The following RBMS3 variants were observed in gnomAD, a reference collection of about 807,000 sequenced individuals.
The protein encoded by RBMS3 is RNA-binding motif, single-stranded-interacting protein 3.
RBMS3 carries 27 observed loss-of-function variants against 66.8 expected under a neutral mutation model. That is an observed-to-expected ratio of 0.40 (90% CI 0.30 to 0.56). The LOEUF (loss-of-function observed/expected upper bound fraction) is 0.56. RBMS3 is among the 20% of genes least tolerant of loss of function. The probability of loss-of-function intolerance (pLI) is 0.40; values close to 1 mark genes in which losing one functional copy is unlikely to be tolerated. For synonymous variants in RBMS3, 188 were observed against 183.0 expected, an observed-to-expected ratio of 1.03 and a Z score of -0.22; for missense variants, 513 against 549.5, an observed-to-expected ratio of 0.93 and a Z score of 0.66.
intron 1 of RBMS3, among the ~76,000 whole-genome samples, chr3:29,345,396 A>G (rs13085716): frequency 0.37 from 55,597 of 152,008 alleles, 10,533 homozygotes; most frequent in African/African-American, 0.46. Flanking sequence ...TAATAACAAG[A>G]AGCTCTACAT....
intron 4 of RBMS3, among the ~76,000 whole-genome samples, chr3:29,649,733 A>T (rs1421608585): frequency 6.6e-6 from 1 of 152,220 alleles, no homozygotes; most frequent in African/African-American, 2.4e-5. Flanking sequence ...TTTACTTGCC[A>T]TATTTTCTTA....
At chr3:29,696,032 G>A (rs59480168) in intron 4 of RBMS3, among the ~76,000 whole-genome samples, 7,737 of 152,168 alleles carry the variant, frequency 0.051, 685 homozygotes, top group African/African-American at 0.18. Context: ...CTTTCTTGCC[G>A]TCAGTAAAGA....
chr3:29,343,693 C>A (rs1355428273), intron 1 of RBMS3, among the ~76,000 whole-genome samples: 5 of 152,162 alleles, frequency 3.3e-5, no homozygotes, highest in Non-Finnish European at 7.4e-5. Context: ...AAAACCAGTT[C>A]AACCTCATTG....
chr3:29,409,498 A>G (rs534027034), intron 1 of RBMS3, among the ~76,000 whole-genome samples: 4 of 152,226 alleles, frequency 2.6e-5, no homozygotes, highest in Admixed American at 6.5e-5. Flanking sequence ...GAGTAAATCG[A>G]CATCAGGAAA....
chr3:29,284,862 C>CT (rs773078453), intron 1 of RBMS3, among the ~76,000 whole-genome samples: 25,811 of 112,586 alleles, frequency 0.23, 3,584 homozygotes, highest in East Asian at 0.49. Context: ...ATGAATTTTT[C>CT]TTTTTTTTTT....
At chr3:29,852,968 A>G (rs963872586) in intron 6 of RBMS3, among the ~76,000 whole-genome samples, 4 of 152,254 alleles carry the variant, frequency 2.6e-5, no homozygotes, top group Admixed American at 2.6e-4. Flanking sequence ...ATCATGGAAT[A>G]CTATGCAGCC....
intron 1 of RBMS3, among the ~76,000 whole-genome samples, chr3:29,291,194 G>A (rs375600779): frequency 6.6e-6 from 1 of 151,860 alleles, no homozygotes; most frequent in Non-Finnish European, 1.5e-5. Context: ...TCTTTTCAGA[G>A]TTTGGAGTTA....
At chr3:29,654,562 G>A (rs1204297732) in intron 4 of RBMS3, among the ~76,000 whole-genome samples, 4 of 131,254 alleles carry the variant, frequency 3.0e-5, no homozygotes, top group African/African-American at 1.1e-4. Context: ...GTGTGTGTGT[G>A]TGTGTGTGTG....
At chr3:29,637,844 A>G (rs538155787) in intron 4 of RBMS3, among the ~76,000 whole-genome samples, 3 of 151,998 alleles carry the variant, frequency 2.0e-5, no homozygotes, top group South Asian at 4.1e-4. Context: ...CATTAAAAGC[A>G]ATAAACTTGC....
rs1307268530 is a variant in RBMS3 at position 29,434,865 on chromosome 3, A to G, written c.198A>G (p.Arg66=). The G allele has an allele frequency of 6.2e-7, 1 of 1,614,140 alleles. No individual in the cohort carries two copies. Among genetic ancestry groups the G allele is most frequent in the Non-Finnish European group, 8.5e-7 (1 of 1,180,034 alleles). Reference sequence around the variant, plus strand: ...TGAGTAAAACCAACCTGTACATTCGAGGCCTCCCACCAGGCACCACTGACC... The same window carrying G: ...TGAGTAAAACCAACCTGTACATTCGGGGCCTCCCACCAGGCACCACTGACC... ...EQLSKTNLYI[R]GLPPGTTDQD... The change falls in exon 2 of 15, where the codon CGA becomes CGG. Residue 66 remains arginine, a synonymous_variant. Coordinates refer to ENST00000383767, the MANE Select transcript of RBMS3 (RefSeq NM_001003793.3).
At chr3:29,436,221 A>G (rs532899866) in intron 2 of RBMS3, among the ~76,000 whole-genome samples, 11 of 152,350 alleles carry the variant, frequency 7.2e-5, no homozygotes, top group Non-Finnish European at 1.5e-4. Context: ...AGCAGAAAAT[A>G]TTTATTTGCC....
At chr3:29,561,109 A>G (rs1221972518) in intron 3 of RBMS3, among the ~76,000 whole-genome samples, 1 of 9,282 alleles carries the variant, frequency 1.1e-4, no homozygotes, top group Non-Finnish European at 1.9e-4. Context: ...CATGGTGCCT[A>G]TGTACCACAT....
rs566888716 is a variant in RBMS3, at chr3:29,779,706, AATAT to A, written c.637+16733_637+16736del. Among the ~76,000 whole-genome samples the A allele has an allele frequency of 5.0e-4, 54 of 107,056 alleles. 1 individual carries two copies. The highest frequency in any genetic ancestry group is 9.0e-4 in the Admixed American group (9 of 10,050). The allele number at this position is 107,056 out of a possible 152,430, so 70.2% of individuals were successfully genotyped here. On this transcript the variant is annotated intron_variant, in intron 6 of 14. Transcript: ENST00000383767. ...TCTCAGCAATCCTAGATTAAGATGA[AATAT>A]ATATATATATATATAAACAACCCCA...
In RBMS3 at chr3:29,941,143, A is replaced by G. The variant is rs2061384376; in HGVS notation, c.1051-3064A>G. On this transcript the variant is annotated intron_variant, in intron 11 of 14. Coordinates refer to ENST00000383767, the MANE Select transcript of RBMS3 (RefSeq NM_001003793.3). ...TTGGTTTGTGTTCTCCAAGCCACTG[A>G]TGATTTGTGATATCATCGATTTCCA... is the stretch of plus-strand genomic sequence containing the variant. Among the ~76,000 whole-genome samples, 3 of 151,970 alleles carry G rather than the reference A, an allele frequency of 2.0e-5. No homozygotes were observed. In the East Asian group the frequency reaches 5.8e-4, roughly 30 times the overall value.
chr3:29,292,339 C>G (rs977454435), intron 1 of RBMS3, among the ~76,000 whole-genome samples: 1 of 151,644 alleles, frequency 6.6e-6, no homozygotes, highest in Non-Finnish European at 1.5e-5. Flanking sequence ...CATTCCTGTT[C>G]TTTCCAGTTA....
chr3:29,919,670 C>A (rs2060719539), intron 10 of RBMS3, among the ~76,000 whole-genome samples: 3 of 152,066 alleles, frequency 2.0e-5, no homozygotes, highest in African/African-American at 7.2e-5. Flanking sequence ...ACTTGGGATG[C>A]CTTCATGGTG....
intron 4 of RBMS3, among the ~76,000 whole-genome samples, chr3:29,714,271 T>C (rs977656598): frequency 6.8e-6 from 1 of 147,742 alleles, no homozygotes; most frequent in Admixed American, 6.9e-5. Context: ...ATGAGTACTT[T>C]AATTTGAATT....
intron 3 of RBMS3, among the ~76,000 whole-genome samples, chr3:29,519,849 T>A (rs1458239219): frequency 6.6e-6 from 1 of 152,160 alleles, no homozygotes; most frequent in East Asian, 1.9e-4. Flanking sequence ...ACTTTTACTG[T>A]GATTTATTGA....
At position 29,862,543 on chromosome 3, in the gene RBMS3, C is replaced by T. The variant is rs552832637; in HGVS notation, c.638-6315C>T. ...AACCTGTGAAAGCTGGCCAAATACACACTAGATAATATCACTCTGAGCTGG... is the reference window on the plus strand; with the variant it reads ...AACCTGTGAAAGCTGGCCAAATACATACTAGATAATATCACTCTGAGCTGG... On this transcript the variant is annotated intron_variant, in intron 6 of 14. Coordinates refer to ENST00000383767, the MANE Select transcript of RBMS3 (RefSeq NM_001003793.3). 4.6e-5 allele frequency among the ~76,000 whole-genome samples: 7 copies of T among 152,156 alleles called. No individual in the cohort carries two copies. In the South Asian group the frequency reaches 1.2e-3, roughly 27 times the overall value.
Sources: gnomAD v4.1 joint callset for allele counts (sites outside exome capture counted in the v4.1 genomes callset) on GRCh38, gnomAD v4.1.1 for gene constraint, MANE v1.5 for transcripts, NCBI Gene and HGNC (gene_info 2026-07-23, HGNC 2026-07-21) for gene names.